Variants in AGBL1 observed in about 807,000 individuals in gnomAD.
The protein encoded by AGBL1 is AGBL carboxypeptidase 1, also known as cytosolic carboxypeptidase 4.
A neutral mutation model predicts 118.9 loss-of-function variants in AGBL1; 130 were observed. That is an observed-to-expected ratio of 1.09 (90% CI 0.95 to 1.26). The LOEUF is 1.26. Ranked by LOEUF, AGBL1 falls within the 50% of genes most tolerant of loss-of-function variation. The pLI, the probability that AGBL1 is intolerant of heterozygous loss-of-function variation, is 0.00. For missense variants in AGBL1, 1,584 were observed against 1,298.1 expected (o/e 1.22, Z -3.38); for synonymous variants, 555 against 478.9 (o/e 1.16, Z -2.08).
At chr15:86,701,746 C>T (rs1014434355) in intron 22 of AGBL1, among the ~76,000 whole-genome samples, 1 of 143,800 alleles carries the variant, frequency 7.0e-6, no homozygotes, top group Non-Finnish European at 1.5e-5. Flanking sequence ...TCTCTCCTTC[C>T]TTTCACTCCT....
intron 22 of AGBL1, among the ~76,000 whole-genome samples, chr15:86,873,269 G>C (rs145417305): frequency 5.3e-5 from 8 of 152,190 alleles, no homozygotes; most frequent in Non-Finnish European, 1.0e-4. Flanking sequence ...CTATTTCCCT[G>C]CTGAGCCAGA....
chr15:86,572,822 G>A (rs925879149), intron 21 of AGBL1, among the ~76,000 whole-genome samples: 3 of 152,226 alleles, frequency 2.0e-5, no homozygotes, highest in African/African-American at 7.2e-5. Flanking sequence ...GTGTGGCACT[G>A]CTGCCTGGAA....
chr15:86,249,432 G>A (rs1283047488), intron 7 of AGBL1, among the ~76,000 whole-genome samples: 3 of 152,098 alleles, frequency 2.0e-5, no homozygotes, highest in Admixed American at 1.3e-4. Context: ...ATACAGTGCT[G>A]CAAACCAATA....
chr15:86,279,844 G>A, intron 16 of AGBL1, 61 bp downstream of exon 16: 1 of 1,584,820 alleles, frequency 6.3e-7, no homozygotes, highest in Non-Finnish European at 8.6e-7. Flanking sequence ...AGGTTTTCCT[G>A]GGAACATTTT....
intron 22 of AGBL1, among the ~76,000 whole-genome samples, chr15:86,679,155 A>G (rs2085903439): frequency 6.6e-6 from 1 of 152,090 alleles, no homozygotes; most frequent in Admixed American, 6.6e-5. Flanking sequence ...ATTAAATTAT[A>G]GATATTTTTG....
At chr15:86,705,639 A>G (rs2086436680) in intron 22 of AGBL1, among the ~76,000 whole-genome samples, 1 of 152,158 alleles carries the variant, frequency 6.6e-6, no homozygotes, top group African/African-American at 2.4e-5. Flanking sequence ...ATACAGCCTT[A>G]AATTGTCTTA....
intron 20 of AGBL1, 53 bp downstream of exon 20, chr15:86,546,186 C>A: frequency 6.5e-7 from 1 of 1,532,720 alleles, no homozygotes; most frequent in Non-Finnish European, 8.9e-7. Context: ...ATTCTTCATT[C>A]TTACCTTTAA....
At chr15:86,366,453 C>T (rs1217152233) in intron 17 of AGBL1, among the ~76,000 whole-genome samples, 2 of 152,100 alleles carry the variant, frequency 1.3e-5, no homozygotes, top group Admixed American at 6.5e-5. Context: ...AAAACTGAGG[C>T]AAAGAGAGGT....
intron 22 of AGBL1, among the ~76,000 whole-genome samples, chr15:86,846,392 A>G (rs1379753439): frequency 6.6e-6 from 1 of 152,126 alleles, no homozygotes; most frequent in Non-Finnish European, 1.5e-5. Flanking sequence ...TATTCTTTTT[A>G]TCTGTACATA....
intron 21 of AGBL1, among the ~76,000 whole-genome samples, chr15:86,555,825 G>A (rs537682445): frequency 6.6e-6 from 1 of 151,940 alleles, no homozygotes; most frequent in Admixed American, 6.6e-5. Flanking sequence ...GGGACTAAAA[G>A]AAAACATATA....
intron 18 of AGBL1, among the ~76,000 whole-genome samples, chr15:86,466,983 A>G (rs1390276368): frequency 6.6e-6 from 1 of 152,256 alleles, no homozygotes; most frequent in Non-Finnish European, 1.5e-5. Flanking sequence ...TCTGTCCCTT[A>G]GCAGAGCTGG....
chr15:86,259,090 C>G (rs2078942962), intron 9 of AGBL1, among the ~76,000 whole-genome samples: 2 of 152,206 alleles, frequency 1.3e-5, no homozygotes, highest in South Asian at 2.1e-4. Context: ...GACCTTGGCA[C>G]TGTTGGCATT....
chr15:86,635,326 C>T (rs2085064211), intron 21 of AGBL1, among the ~76,000 whole-genome samples: 1 of 114,400 alleles, frequency 8.7e-6, no homozygotes, highest in African/African-American at 4.0e-5. Context: ...CCTCCTCCTC[C>T]TCCTCCTCCT....
At chr15:86,580,680 C>T (rs895581363) in intron 21 of AGBL1, among the ~76,000 whole-genome samples, 1 of 152,046 alleles carries the variant, frequency 6.6e-6, no homozygotes, top group Admixed American at 6.6e-5. Context: ...GCATTCATCA[C>T]CCCAAACATT....
chr15:86,904,309 C>A (rs13380259), intron 22 of AGBL1, among the ~76,000 whole-genome samples: 26,500 of 151,810 alleles, frequency 0.17, 3,302 homozygotes, highest in African/African-American at 0.35. Context: ...TTTTTCTCTC[C>A]CTACTCCATC....
chr15:86,090,915 A>G (rs1895978909), intron 1 of AGBL1, among the ~76,000 whole-genome samples: 1 of 152,152 alleles, frequency 6.6e-6, no homozygotes, highest in Non-Finnish European at 1.5e-5. Flanking sequence ...TGGCTTTAAA[A>G]TTTCTTTTAC....
At chr15:86,627,938 C>T (rs537570414) in intron 21 of AGBL1, among the ~76,000 whole-genome samples, 53 of 152,286 alleles carry the variant, frequency 3.5e-4, no homozygotes, top group African/African-American at 1.1e-3. Context: ...CCATCAAAGG[C>T]GCTCAATGAA....
At chr15:86,415,730 C>G (rs867316793) in intron 18 of AGBL1, among the ~76,000 whole-genome samples, 2 of 152,078 alleles carry the variant, frequency 1.3e-5, no homozygotes, top group South Asian at 2.1e-4. Context: ...TGTAGTTGAT[C>G]TAAATGGATC....
intron 1 of AGBL1, among the ~76,000 whole-genome samples, chr15:86,110,293 A>G (rs1567060329): frequency 3.3e-5 from 5 of 152,236 alleles, no homozygotes; most frequent in African/African-American, 9.6e-5. Flanking sequence ...CTAGTAGCCT[A>G]TTGTTGACTG....
Sources: gnomAD v4.1 joint callset for allele counts (sites outside exome capture counted in the v4.1 genomes callset) on GRCh38, gnomAD v4.1.1 for gene constraint, MANE v1.5 for transcripts, NCBI Gene and HGNC (gene_info 2026-07-23, HGNC 2026-07-21) for gene names.